The following NTNG2 variants were observed in gnomAD, a reference collection of about 807,000 sequenced individuals.
NTNG2 encodes netrin-G2.
In NTNG2, 15 loss-of-function variants were observed where a neutral mutation model predicts 47.6. That is an observed-to-expected ratio of 0.32 (90% CI 0.21 to 0.49). NTNG2 has a LOEUF of 0.49. NTNG2 is among the 20% of genes least tolerant of loss of function. NTNG2 has a pLI of 0.99. For missense variants in NTNG2, 578 were observed against 764.6 expected, an observed-to-expected ratio of 0.76 and a Z score of 2.88; for synonymous variants, 307 against 324.6, an observed-to-expected ratio of 0.95 and a Z score of 0.58.
rs998232842 is a variant in NTNG2, at chr9:132,208,879, G to C, written c.857+10270G>C. Among the ~76,000 whole-genome samples, 2 of 151,656 alleles carry C rather than the reference G, an allele frequency of 1.3e-5. No individual in the cohort carries two copies. The highest frequency in any genetic ancestry group is 2.9e-5 in the Non-Finnish European group (2 of 68,018). On this transcript the variant is annotated intron_variant, in intron 3 of 7. Transcript: ENST00000393229. The surrounding 1 kb of genome is among the most constrained non-coding windows in gnomAD (Gnocchi z 4.0). ...CCGTCTCTCCAAGAACTCCCGTCCC[G>C]AGACCCCTGGAAGCCCCCATCCTGC...
chr9:132,195,983 C>T (rs1043354118), intron 2 of NTNG2, among the ~76,000 whole-genome samples: 1 of 151,008 alleles, frequency 6.6e-6, no homozygotes, highest in Non-Finnish European at 1.5e-5. Flanking sequence ...GTTGCCTGGG[C>T]CGATCTCAAA....
Position 132,226,708 on chromosome 9 carries a change from T to C in NTNG2, c.858-141T>C. On this transcript the variant is annotated intron_variant, in intron 3 of 7. Coordinates refer to ENST00000393229, the MANE Select transcript of NTNG2 (RefSeq NM_032536.4). This position sits in a 1 kb window ranked among gnomAD's most constrained non-coding sequence, Gnocchi z 4.8. ...ATCAAGGAGTTTCTGGCCTAAAGGT[T>C]GGGCTGGTGGCCTCCAGGGTTTCTT... The C allele has an allele frequency of 1.6e-6, 1 of 623,146 alleles. No homozygotes were observed. Among genetic ancestry groups the C allele is most frequent in the South Asian group, 2.4e-5 (1 of 42,088 alleles). 38.6% of individuals were successfully genotyped at this position (623,146 alleles called of 1,614,324 possible).
At chr9:132,216,656 G>A (rs1269279746) in intron 3 of NTNG2, among the ~76,000 whole-genome samples, 1 of 152,140 alleles carries the variant, frequency 6.6e-6, no homozygotes, top group Non-Finnish European at 1.5e-5. Context: ...GAAAAGTGCT[G>A]TGTCGGGGGA....
At chr9:132,213,696 T>C (rs934487682) in intron 3 of NTNG2, among the ~76,000 whole-genome samples, 10 of 36,362 alleles carry the variant, frequency 2.8e-4, no homozygotes, top group African/African-American at 1.4e-3. Flanking sequence ...TGAAAAATGT[T>C]TTTTCCCAAA....
At position 132,166,472 on chromosome 9, in the gene NTNG2, G is replaced by T. The variant is rs752954662; in HGVS notation, c.-360G>T. 3.2e-6 allele frequency: 1 copy of T among 309,196 alleles called. No individual in the cohort carries two copies. Among genetic ancestry groups the T allele is most frequent in the East Asian group, 7.2e-5 (1 of 13,972 alleles). 19.2% of individuals were successfully genotyped at this position (309,196 alleles called of 1,614,324 possible). ...ATCCAGCCTCATGCAGGATCCCTGC[G>T]GATTTTCTCCTTATCCCATTTCCAT... On this transcript the variant is annotated 5_prime_UTR_variant, in exon 2 of 8. The change creates a premature stop within an existing upstream ORF in the 5' untranslated region. Coordinates refer to ENST00000393229, the MANE Select transcript of NTNG2 (RefSeq NM_032536.4).
chr9:132,188,909 C>T (rs1837619596), intron 2 of NTNG2, among the ~76,000 whole-genome samples: 1 of 152,154 alleles, frequency 6.6e-6, no homozygotes, highest in African/African-American at 2.4e-5. Flanking sequence ...GAAGCCTCCC[C>T]TCCAACAGAG....
intron 2 of NTNG2, among the ~76,000 whole-genome samples, chr9:132,174,805 C>G (rs1159047964): frequency 6.6e-6 from 1 of 151,926 alleles, no homozygotes; most frequent in Admixed American, 6.6e-5. Flanking sequence ...GCCTGTAATC[C>G]CAGCTACTTG....
chr9:132,167,167 AC>A, intron 2 of NTNG2, 123 bp downstream of exon 2: 1 of 1,065,074 alleles, frequency 9.4e-7, no homozygotes, highest in Non-Finnish European at 1.4e-6. Context: ...CTGCCTCTTG[AC>A]CAGGTCTGGA....
chr9:132,216,658 G>A (rs1781164427), intron 3 of NTNG2, among the ~76,000 whole-genome samples: 2 of 152,118 alleles, frequency 1.3e-5, no homozygotes. Flanking sequence ...AAAGTGCTGT[G>A]TCGGGGGATC....
At chr9:132,165,316 CTA>C (rs1007888666) in intron 1 of NTNG2, among the ~76,000 whole-genome samples, 26 of 152,186 alleles carry the variant, frequency 1.7e-4, no homozygotes, top group African/African-American at 5.5e-4. Flanking sequence ...TTAATTATAT[CTA>C]TTTTGATTTT....
rs984794980 is a variant in NTNG2 at position 132,231,398 on chromosome 9, A to C, written c.1054+803A>C. On this transcript the variant is annotated intron_variant, in intron 5 of 7. Transcript: ENST00000393229. The surrounding 1 kb of genome is among the most constrained non-coding windows in gnomAD (Gnocchi z 4.1). ...CAGCCGGGAGCAGACCCCAAATCTC[A>C]GAGATGCTTCTGGGGTGCACCGTCA... 6.6e-6 allele frequency: 3 copies of C among 453,752 alleles called. No individual in the cohort carries two copies. Among genetic ancestry groups the C allele is most frequent in the Non-Finnish European group, 1.3e-5 (3 of 225,480 alleles). The allele number at this position is 453,752 out of a possible 1,614,324, so 28.1% of individuals were successfully genotyped here.
chr9:132,176,816 C>T lies in NTNG2; in HGVS notation c.213+9772C>T, dbSNP rs114625625. ...CTCTTACGTTCCCACCAGCAATGTA[C>T]GAGAATGCCAGTTTCTCCGAATCCT... On this transcript the variant is annotated intron_variant, in intron 2 of 7. Transcript: ENST00000393229. Among the ~76,000 whole-genome samples the T allele has an allele frequency of 5.4e-3, 826 of 152,292 alleles. 8 individuals carry two copies. The highest frequency in any genetic ancestry group is 0.019 in the African/African-American group (785 of 41,552).
intron 3 of NTNG2, among the ~76,000 whole-genome samples, chr9:132,224,740 GTCTC>G (rs1009175588): frequency 2.6e-5 from 4 of 152,130 alleles, no homozygotes; most frequent in African/African-American, 9.7e-5. Context: ...AGCACACTCT[GTCTC>G]TCTTTCACTT....
intron 4 of NTNG2, among the ~76,000 whole-genome samples, chr9:132,229,750 C>G (rs1429479924): frequency 3.0e-4 from 45 of 152,348 alleles, no homozygotes; most frequent in Non-Finnish European, 1.3e-4. Flanking sequence ...TTGGCTTGCC[C>G]AGGAGAAGCC....
chr9:132,174,556 A>T (rs183269101), intron 2 of NTNG2, among the ~76,000 whole-genome samples: 10 of 152,330 alleles, frequency 6.6e-5, no homozygotes, highest in Admixed American at 5.9e-4. Context: ...ACAACCTCGA[A>T]GGACGTGTGT....
intron 3 of NTNG2, among the ~76,000 whole-genome samples, chr9:132,199,650 C>T (rs1277137653): frequency 6.6e-6 from 1 of 152,200 alleles, no homozygotes; most frequent in Non-Finnish European, 1.5e-5. Context: ...GCTGATACTA[C>T]ATGGCCCAAG....
chr9:132,202,541 T>G (rs996557647), intron 3 of NTNG2, among the ~76,000 whole-genome samples: 1 of 152,194 alleles, frequency 6.6e-6, no homozygotes, highest in Non-Finnish European at 1.5e-5. Flanking sequence ...AGCTATTTTC[T>G]CCTTCCACAC....
chr9:132,177,421 A>G (rs1241048446), intron 2 of NTNG2, among the ~76,000 whole-genome samples: 1 of 152,192 alleles, frequency 6.6e-6, no homozygotes, highest in African/African-American at 2.4e-5. Context: ...TAAGACTTTT[A>G]TAGTTTTAGC....
intron 3 of NTNG2, among the ~76,000 whole-genome samples, chr9:132,217,014 A>T (rs1840038062): frequency 6.6e-6 from 1 of 152,154 alleles, no homozygotes; most frequent in Non-Finnish European, 1.5e-5. Context: ...CGAAGCCAGC[A>T]CTGAGAGAGA....
Sources: gnomAD v4.1 joint callset for allele counts (sites outside exome capture counted in the v4.1 genomes callset) on GRCh38, gnomAD v4.1.1 for gene constraint, Gnocchi (gnomAD v3.1) non-coding constraint, MANE v1.5 for transcripts, NCBI Gene and HGNC (gene_info 2026-07-23, HGNC 2026-07-21) for gene names.